NEXMIF: variants seen among roughly 807,000 people sequenced by gnomAD.
NEXMIF encodes the protein neurite extension and migration factor.
NEXMIF carries 8 observed loss-of-function variants against 62.1 expected under a neutral mutation model. The observed-to-expected ratio is 0.13, with a 90% CI of 0.08 to 0.23. The LOEUF (loss-of-function observed/expected upper bound fraction) is 0.23. NEXMIF is among the 10% of genes least tolerant of loss of function. The pLI, the probability that NEXMIF is intolerant of heterozygous loss-of-function variation, is 1.00. For synonymous variants in NEXMIF, 404 were observed against 416.6 expected (o/e 0.97, Z 0.37); for missense variants, 976 against 1,113.3 (o/e 0.88, Z 1.75).
chrX:74,861,978 C>T (rs946381526), intron 1 of NEXMIF, among the ~76,000 whole-genome samples: 3 of 111,554 alleles, frequency 2.7e-5, no homozygotes, highest in Non-Finnish European at 5.7e-5. Context: ...ATGAAAGGAC[C>T]AAATTCACAC....
chrX:74,892,343 G>A (rs1283899402), intron 1 of NEXMIF, among the ~76,000 whole-genome samples: 1 of 112,115 alleles, frequency 8.9e-6, no homozygotes, highest in Non-Finnish European at 1.9e-5. Context: ...GGGCTCTGGG[G>A]AACTAACCAA....
rs2080092403 is a variant in NEXMIF at position 74,738,806 on chromosome X, CTA to C, written c.*597_*598del. Reference sequence around the variant, plus strand: ...ATGTTTCCACACAGGACAGTAGAGTCTAAAACTTTAAAAGAACGTGTGTGTGT... The same window carrying C: ...ATGTTTCCACACAGGACAGTAGAGTCAAACTTTAAAAGAACGTGTGTGTGT... On this transcript the variant is annotated 3_prime_UTR_variant, in exon 4 of 4. Transcript: ENST00000055682. 9.3e-6 allele frequency: 1 copy of C among 107,337 alleles called. No individual in the cohort carries two copies. Among genetic ancestry groups the C allele is most frequent in the Non-Finnish European group, 1.9e-5 (1 of 51,790 alleles). 8.8% of individuals were successfully genotyped at this position (107,337 alleles called of 1,213,427 possible).
At chrX:74,835,011 T>C (rs1213970042) in intron 1 of NEXMIF, among the ~76,000 whole-genome samples, 1 of 111,962 alleles carries the variant, frequency 8.9e-6, no homozygotes, top group East Asian at 2.8e-4. Context: ...TTTTCTTTCG[T>C]CTACTGTGTA....
intron 1 of NEXMIF, among the ~76,000 whole-genome samples, chrX:74,880,571 G>A (rs1446134342): frequency 8.9e-6 from 1 of 111,989 alleles, no homozygotes; most frequent in Non-Finnish European, 1.9e-5. Flanking sequence ...ATGAATGCAA[G>A]CAATTGTTAT....
chrX:74,826,097 G>T (rs947478364), intron 1 of NEXMIF, among the ~76,000 whole-genome samples: 1 of 112,405 alleles, frequency 8.9e-6, no homozygotes, highest in East Asian at 2.8e-4. Context: ...TTGCCACACT[G>T]TTTTTTACAA....
At chrX:74,819,850 G>A (rs955455027) in intron 1 of NEXMIF, among the ~76,000 whole-genome samples, 3 of 111,767 alleles carry the variant, frequency 2.7e-5, no homozygotes, top group African/African-American at 9.8e-5. Flanking sequence ...TATACCCAAA[G>A]GATTATAAAT....
chrX:74,808,822 T>G (rs1316022274), intron 1 of NEXMIF, among the ~76,000 whole-genome samples: 1 of 112,031 alleles, frequency 8.9e-6, no homozygotes, highest in Non-Finnish European at 1.9e-5. Flanking sequence ...CCCTTCAACT[T>G]AAAATGGAAT....
intron 1 of NEXMIF, among the ~76,000 whole-genome samples, chrX:74,805,334 C>T (rs2080341864): frequency 9.0e-6 from 1 of 111,307 alleles, no homozygotes; most frequent in Admixed American, 9.6e-5. Context: ...TTGCTCCACC[C>T]CTCCCTTGCC....
chrX:74,825,019 C>T (rs146237674), intron 1 of NEXMIF, among the ~76,000 whole-genome samples: 2,049 of 111,077 alleles, frequency 0.018, 21 homozygotes, highest in Admixed American at 0.029. Context: ...CAACAGTATA[C>T]AAGGGTTCTC....
chrX:74,805,850 T>G (rs2080343271), intron 1 of NEXMIF, among the ~76,000 whole-genome samples: 1 of 112,216 alleles, frequency 8.9e-6, no homozygotes, highest in South Asian at 3.7e-4. Context: ...TGTCTGTTTT[T>G]GTTGTTGTTG....
chrX:74,905,860 T>C (rs1466477271), intron 1 of NEXMIF, among the ~76,000 whole-genome samples: 3 of 111,805 alleles, frequency 2.7e-5, no homozygotes, highest in African/African-American at 9.7e-5. Flanking sequence ...AAGACACAAA[T>C]AATTTCTAAA....
intron 1 of NEXMIF, among the ~76,000 whole-genome samples, chrX:74,823,943 T>A (rs941062176): frequency 8.9e-6 from 1 of 111,752 alleles, no homozygotes; most frequent in African/African-American, 3.2e-5. Context: ...TTATATCAAC[T>A]GTATACATTT....
intron 1 of NEXMIF, among the ~76,000 whole-genome samples, chrX:74,774,303 T>G (rs2080222177): frequency 9.0e-6 from 1 of 111,581 alleles, no homozygotes; most frequent in Non-Finnish European, 1.9e-5. Flanking sequence ...AATAATATAT[T>G]ACTTTATCAC....
Position 74,896,512 on chromosome X carries a change from G to A in NEXMIF, c.-48+28371C>T, listed in dbSNP as rs766642806. Among the ~76,000 whole-genome samples the A allele has an allele frequency of 4.4e-5, 5 of 112,360 alleles. No homozygotes were observed. In the South Asian group the frequency reaches 1.1e-3, roughly 25 times the overall value. On this transcript the variant is annotated intron_variant, in intron 1 of 3. Coordinates refer to ENST00000055682, the MANE Select transcript of NEXMIF (RefSeq NM_001008537.3). ...ACATACTACAATTTCTGGTTTGCACGAACTGGTTTTAAGATTGAAGGAGTG... is the reference window on the plus strand; with the variant it reads ...ACATACTACAATTTCTGGTTTGCACAAACTGGTTTTAAGATTGAAGGAGTG...
chrX:74,914,485 C>T (rs995388195), intron 1 of NEXMIF, among the ~76,000 whole-genome samples: 1 of 111,176 alleles, frequency 9.0e-6, no homozygotes, highest in African/African-American at 3.3e-5. Flanking sequence ...CCAGCCTGGC[C>T]AACATGGTGA....
At position 74,749,284 on chromosome X, in the gene NEXMIF, C is replaced by T. The variant is rs148690533; in HGVS notation, c.-47-3587G>A. 8.9e-3 allele frequency among the ~76,000 whole-genome samples: 981 copies of T among 110,701 alleles called. 5 individuals carry two copies. Among genetic ancestry groups the T allele is most frequent in the Non-Finnish European group, 0.015 (771 of 52,870 alleles). ...TGGAGGTGAGGATGGGGAAGTTCAG[C>T]GGAGAGAAAAGTATTCCAGGCAGAA... On this transcript the variant is annotated intron_variant, in intron 1 of 3. Coordinates refer to ENST00000055682, the MANE Select transcript of NEXMIF (RefSeq NM_001008537.3).
intron 1 of NEXMIF, among the ~76,000 whole-genome samples, chrX:74,911,156 A>G (rs1463620421): frequency 1.8e-5 from 2 of 111,810 alleles, no homozygotes; most frequent in Non-Finnish European, 3.8e-5. Context: ...GTGGTGGCTC[A>G]CACCTGTAAT....
At chrX:74,919,209 G>A (rs894845731) in intron 1 of NEXMIF, among the ~76,000 whole-genome samples, 1 of 111,832 alleles carries the variant, frequency 8.9e-6, no homozygotes, top group East Asian at 2.8e-4. Context: ...TTATGTGCAT[G>A]TGTATGTGCA....
chrX:74,887,602 A>G (rs1412742545), intron 1 of NEXMIF, among the ~76,000 whole-genome samples: 1 of 111,275 alleles, frequency 9.0e-6, no homozygotes, highest in Non-Finnish European at 1.9e-5. Context: ...ATGAGATACC[A>G]TCTCACACCA....
Sources: gnomAD v4.1 joint callset for allele counts (sites outside exome capture counted in the v4.1 genomes callset) on GRCh38, gnomAD v4.1.1 for gene constraint, MANE v1.5 for transcripts, NCBI Gene and HGNC (gene_info 2026-07-23, HGNC 2026-07-21) for gene names.